The following ARHGAP15 variants were observed in gnomAD, a reference collection of about 807,000 sequenced individuals.
The protein encoded by ARHGAP15 is rho GTPase-activating protein 15.
In ARHGAP15, 51 loss-of-function variants were observed where a neutral mutation model predicts 63.7. The observed-to-expected ratio is 0.80, with a 90% confidence interval of 0.64 to 1.01. The LOEUF is 1.01. ARHGAP15 is among the 50% of genes least tolerant of loss of function. The pLI, the probability that ARHGAP15 is intolerant of heterozygous loss-of-function variation, is 0.00. For missense variants in ARHGAP15, 560 were observed against 564.6 expected (o/e 0.99, Z 0.08); for synonymous variants, 191 against 193.8 (o/e 0.99, Z 0.12).
chr2:143,749,881 T>C (rs1344597127), intron 13 of ARHGAP15, among the ~76,000 whole-genome samples: 1 of 152,208 alleles, frequency 6.6e-6, no homozygotes, highest in Non-Finnish European at 1.5e-5. Context: ...TCCCTGGTTC[T>C]TTGACTTTAT....
At chr2:143,457,518 C>A (rs1262606650) in intron 8 of ARHGAP15, among the ~76,000 whole-genome samples, 1 of 151,328 alleles carries the variant, frequency 6.6e-6, no homozygotes, top group South Asian at 2.1e-4. Context: ...CAGAGTGAAA[C>A]CCTGTGTTGT....
intron 8 of ARHGAP15, among the ~76,000 whole-genome samples, chr2:143,446,457 T>C (rs1488195508): frequency 6.6e-6 from 1 of 152,144 alleles, no homozygotes; most frequent in Non-Finnish European, 1.5e-5. Context: ...AATTTCTTAA[T>C]ATCTTCATTA....
chr2:143,384,378 TTTTA>T, intron 6 of ARHGAP15, among the ~76,000 whole-genome samples: 1 of 152,274 alleles, frequency 6.6e-6, no homozygotes, highest in Non-Finnish European at 1.5e-5. Flanking sequence ...TCCCATCTGT[TTTTA>T]TTTCATTTTT....
At chr2:143,382,775 C>G (rs575638630) in intron 6 of ARHGAP15, among the ~76,000 whole-genome samples, 44 of 152,288 alleles carry the variant, frequency 2.9e-4, no homozygotes, top group African/African-American at 9.1e-4. Context: ...CGGCTGCTGT[C>G]TTGTCTGCGA....
At chr2:143,258,113 T>A (rs774155605) in intron 6 of ARHGAP15, among the ~76,000 whole-genome samples, 12 of 152,108 alleles carry the variant, frequency 7.9e-5, no homozygotes, top group Non-Finnish European at 1.3e-4. Flanking sequence ...TTACAGCTTG[T>A]CCATAAGGAT....
At chr2:143,563,388 A>AAAT (rs1389395003) in intron 11 of ARHGAP15, among the ~76,000 whole-genome samples, 5 of 152,232 alleles carry the variant, frequency 3.3e-5, no homozygotes, top group Admixed American at 3.3e-4. Context: ...AAGAAAAAAC[A>AAAT]AATAAAACTT....
At chr2:143,131,066 C>A (rs949416101) in intron 1 of ARHGAP15, among the ~76,000 whole-genome samples, 1 of 151,986 alleles carries the variant, frequency 6.6e-6, no homozygotes, top group African/African-American at 2.4e-5. Context: ...TTGTTTAATG[C>A]TTTTAAAAAA....
At chr2:143,730,340 A>G (rs533744335) in intron 13 of ARHGAP15, among the ~76,000 whole-genome samples, 84 of 152,338 alleles carry the variant, frequency 5.5e-4, no homozygotes, top group Non-Finnish European at 1.1e-3. Flanking sequence ...TGTCTCTTTC[A>G]GTTTGCTGGA....
rs531258377 is a variant in ARHGAP15 at position 143,381,887 on chromosome 2, A to T, written c.475-53714A>T. Among the ~76,000 whole-genome samples, 3 of 152,224 alleles carry T rather than the reference A, an allele frequency of 2.0e-5. No homozygotes were observed. The South Asian group carries it at 6.2e-4, about 32-fold the overall frequency. On this transcript the variant is annotated intron_variant, in intron 6 of 13. Transcript: ENST00000295095. ...ATAAAGGGGAGGAGGTACAAATAAG[A>T]GGTGATTTTCAAACTTAGCAAATCA...
chr2:143,431,071 T>G (rs1035613750), intron 6 of ARHGAP15, among the ~76,000 whole-genome samples: 1 of 152,080 alleles, frequency 6.6e-6, no homozygotes, highest in South Asian at 2.1e-4. Flanking sequence ...TGCTTGTTTT[T>G]GGAAAGAAAA....
chr2:143,439,526 T>C (rs998702837), intron 8 of ARHGAP15, among the ~76,000 whole-genome samples: 5 of 34,024 alleles, frequency 1.5e-4, no homozygotes, highest in African/African-American at 3.0e-4. Context: ...ACCTTTTACT[T>C]TGAAGTTAAA....
At chr2:143,690,931 C>T (rs529693780) in intron 12 of ARHGAP15, among the ~76,000 whole-genome samples, 86 of 152,202 alleles carry the variant, frequency 5.7e-4, no homozygotes, top group African/African-American at 2.0e-3. Context: ...TCATATCCCC[C>T]GTGATCAGAG....
chr2:143,331,552 A>C (rs1330232879), intron 6 of ARHGAP15, among the ~76,000 whole-genome samples: 2 of 152,222 alleles, frequency 1.3e-5, no homozygotes, highest in Non-Finnish European at 2.9e-5. Flanking sequence ...CTTTGAAAAG[A>C]AATCTATGAA....
At chr2:143,170,084 T>C (rs559360281) in intron 2 of ARHGAP15, among the ~76,000 whole-genome samples, 1 of 149,944 alleles carries the variant, frequency 6.7e-6, no homozygotes, top group African/African-American at 2.4e-5. Flanking sequence ...CATTTGACCA[T>C]CACTTTTCAG....
chr2:143,620,959 T>A (rs183010881), intron 11 of ARHGAP15, among the ~76,000 whole-genome samples: 85 of 152,336 alleles, frequency 5.6e-4, no homozygotes, highest in African/African-American at 1.4e-3. Context: ...TATGTGTGTA[T>A]CTAATTTTCT....
chr2:143,445,799 T>C (rs1690109697), intron 8 of ARHGAP15, among the ~76,000 whole-genome samples: 1 of 152,180 alleles, frequency 6.6e-6, no homozygotes. Flanking sequence ...CTTGCAGCTC[T>C]TCTGTGGGCT....
chr2:143,256,197 A>G (rs1230417197), intron 6 of ARHGAP15, among the ~76,000 whole-genome samples: 3 of 152,156 alleles, frequency 2.0e-5, no homozygotes, highest in East Asian at 1.9e-4. Context: ...ATACAAATAC[A>G]GCAGACTTTC....
chr2:143,141,703 A>ACAAATG (rs1046123472), intron 1 of ARHGAP15, among the ~76,000 whole-genome samples: 2 of 152,178 alleles, frequency 1.3e-5, no homozygotes, highest in Non-Finnish European at 2.9e-5. Flanking sequence ...AAGCAGTAGT[A>ACAAATG]CAAATGCAAA....
chr2:143,330,123 A>T lies in ARHGAP15; in HGVS notation c.474+79523A>T, dbSNP rs796070384. On this transcript the variant is annotated intron_variant, in intron 6 of 13. Transcript: ENST00000295095. ...AAAAAAAAAAAAAAAAAAAAAAAAA[A>T]AAAAAAAACCAAAAACAAAAAACTA... is the stretch of plus-strand genomic sequence containing the variant. Among the ~76,000 whole-genome samples, 102 of 84,992 alleles carry T rather than the reference A, an allele frequency of 1.2e-3. 5 individuals carry two copies. Among genetic ancestry groups the T allele is most frequent in the South Asian group, 3.7e-3 (10 of 2,706 alleles). The allele number at this position is 84,992 out of a possible 152,430, so 55.8% of individuals were successfully genotyped here. A position where few individuals can be genotyped will look rare whatever the true frequency, so the allele number is the denominator to read the frequency against.
Sources: allele counts gnomAD v4.1 joint callset (sites outside exome capture counted in the v4.1 genomes callset), GRCh38; gene constraint gnomAD v4.1.1; transcripts MANE v1.5; gene names NCBI Gene and HGNC (gene_info 2026-07-23, HGNC 2026-07-21).